ENTREP2: variants seen among roughly 807,000 people sequenced by gnomAD.
ENTREP2 encodes the protein protein ENTREP2.
chr15:29,418,098 G>T, the ENTREP2 span, among the ~76,000 whole-genome samples: 2 of 152,316 alleles, frequency 1.3e-5, 1 homozygote. Flanking sequence ...GGAGTCCACT[G>T]TGAAGTCTAA....
the ENTREP2 span, among the ~76,000 whole-genome samples, chr15:29,217,698 C>A: frequency 0.068 from 10,314 of 152,062 alleles, 1,216 homozygotes; most frequent in African/African-American, 0.24. Context: ...TGGGCTTTGC[C>A]TTTCTCTGGT....
the ENTREP2 span, among the ~76,000 whole-genome samples, chr15:29,606,393 C>T: frequency 3.2e-4 from 48 of 151,968 alleles, no homozygotes; most frequent in African/African-American, 1.1e-3. Context: ...CGCCACCACA[C>T]CTGGCTAATT....
chr15:29,674,336 C>G, the ENTREP2 span, among the ~76,000 whole-genome samples: 3 of 152,216 alleles, frequency 2.0e-5, no homozygotes, highest in East Asian at 5.8e-4. Context: ...GTGGCGCAAT[C>G]TCAGCTCACT....
chr15:29,450,445 A>C, the ENTREP2 span, among the ~76,000 whole-genome samples: 2 of 152,150 alleles, frequency 1.3e-5, no homozygotes, highest in Non-Finnish European at 2.9e-5. Context: ...TCTTCTGCCT[A>C]TGGTTAGCCA....
the ENTREP2 span, among the ~76,000 whole-genome samples, chr15:29,182,285 C>T: frequency 1.4e-4 from 22 of 151,974 alleles, no homozygotes; most frequent in South Asian, 2.1e-4. Flanking sequence ...CCACCGCACC[C>T]GGCTAATTTT....
At chr15:29,197,053 C>T in the ENTREP2 span, among the ~76,000 whole-genome samples, 1 of 152,212 alleles carries the variant, frequency 6.6e-6, no homozygotes, top group Non-Finnish European at 1.5e-5. Flanking sequence ...CTACTGAAGA[C>T]TGACTTTATC....
At chr15:29,226,984 A>T in the ENTREP2 span, among the ~76,000 whole-genome samples, 1 of 152,240 alleles carries the variant, frequency 6.6e-6, no homozygotes, top group African/African-American at 2.4e-5. Context: ...CTAGGTTGTC[A>T]CACACAGAGA....
chr15:29,455,621 G>C, the ENTREP2 span, among the ~76,000 whole-genome samples: 1 of 152,174 alleles, frequency 6.6e-6, no homozygotes, highest in African/African-American at 2.4e-5. Context: ...GCAACACCTT[G>C]TTTTCACATA....
chr15:29,550,123 C>T, the ENTREP2 span, among the ~76,000 whole-genome samples: 5 of 152,172 alleles, frequency 3.3e-5, no homozygotes, highest in Non-Finnish European at 5.9e-5. Flanking sequence ...ACTGTGGGGA[C>T]ATATCTAGGC....
At chr15:29,533,161 G>A in the ENTREP2 span, among the ~76,000 whole-genome samples, 1 of 152,128 alleles carries the variant, frequency 6.6e-6, no homozygotes, top group Non-Finnish European at 1.5e-5. Context: ...TCCCCTAAAG[G>A]CTGCCCAGCC....
At chr15:29,158,833 TAATA>T in the ENTREP2 span, among the ~76,000 whole-genome samples, 2 of 152,138 alleles carry the variant, frequency 1.3e-5, no homozygotes, top group Non-Finnish European at 2.9e-5. Context: ...GTTATGTATC[TAATA>T]AATGATGTAT....
At chr15:29,649,008 T>C in the ENTREP2 span, among the ~76,000 whole-genome samples, 2 of 149,880 alleles carry the variant, frequency 1.3e-5, no homozygotes. Context: ...CCATCTCAAA[T>C]AGTAGAACTA....
the ENTREP2 span, among the ~76,000 whole-genome samples, chr15:29,161,673 T>G: frequency 3.9e-5 from 6 of 152,154 alleles, no homozygotes; most frequent in African/African-American, 1.4e-4. Context: ...ATATTTGAAA[T>G]TTTACAGGCT....
the ENTREP2 span, among the ~76,000 whole-genome samples, chr15:29,453,481 G>T: frequency 6.6e-6 from 1 of 152,226 alleles, no homozygotes; most frequent in Non-Finnish European, 1.5e-5. Context: ...TGCACAGAAG[G>T]CCTGGGGAGG....
the ENTREP2 span, among the ~76,000 whole-genome samples, chr15:29,630,716 C>T: frequency 2.4e-4 from 37 of 152,194 alleles, no homozygotes; most frequent in African/African-American, 8.7e-4. Flanking sequence ...GAGACACAGT[C>T]TTGCTCTGTC....
the ENTREP2 span, among the ~76,000 whole-genome samples, chr15:29,497,043 AG>A: frequency 6.6e-6 from 1 of 152,304 alleles, no homozygotes; most frequent in South Asian, 2.1e-4. Flanking sequence ...TTAGGTCATG[AG>A]GGTTCCATCC....
At chr15:29,397,862 C>T in the ENTREP2 span, among the ~76,000 whole-genome samples, 1 of 152,104 alleles carries the variant, frequency 6.6e-6, no homozygotes, top group Middle Eastern at 3.2e-3. Flanking sequence ...CAATCACAAA[C>T]CTGTAAAATA....
chr15:29,605,405 T>A, the ENTREP2 span, among the ~76,000 whole-genome samples: 1 of 152,232 alleles, frequency 6.6e-6, no homozygotes, highest in East Asian at 1.9e-4. Flanking sequence ...ACCTCCTCTA[T>A]GTGTAAATGT....
chr15:29,276,659 G>T, the ENTREP2 span, among the ~76,000 whole-genome samples: 2 of 152,176 alleles, frequency 1.3e-5, no homozygotes, highest in African/African-American at 4.8e-5. Context: ...CTAAGAGATG[G>T]GAAACAATCT....
Sources: allele counts gnomAD v4.1 joint callset (sites outside exome capture counted in the v4.1 genomes callset), GRCh38; gene constraint gnomAD v4.1.1; transcripts MANE v1.5; gene names NCBI Gene and HGNC (gene_info 2026-07-23, HGNC 2026-07-21).